The following CSMD1 variants were observed in gnomAD, a reference collection of about 807,000 sequenced individuals.
CSMD1 encodes the protein CUB and sushi domain-containing protein 1.
A neutral mutation model predicts 417.5 loss-of-function variants in CSMD1; 213 were observed. The observed-to-expected ratio is 0.51, with a 90% CI of 0.46 to 0.57. The LOEUF is 0.57. Among genes scored for constraint, CSMD1 ranks in the 20% least tolerant of loss-of-function variants. The pLI is 0.00. For missense variants in CSMD1, 6,923 were observed against 4,529.7 expected, an observed-to-expected ratio of 1.53 and a Z score of -15.17; for synonymous variants, 2,862 against 1,736.8, an observed-to-expected ratio of 1.65 and a Z score of -16.11.
chr8:3,697,128 C>T (rs77957450), intron 7 of CSMD1, among the ~76,000 whole-genome samples: 2,610 of 152,242 alleles, frequency 0.017, 24 homozygotes, highest in Non-Finnish European at 0.024. Flanking sequence ...TCAGCATAAT[C>T]ATCATTCAGT....
At chr8:4,026,267 G>T (rs2740923) in intron 4 of CSMD1, among the ~76,000 whole-genome samples, 89 of 152,118 alleles carry the variant, frequency 5.9e-4, no homozygotes, top group African/African-American at 2.0e-3. Flanking sequence ...AACATGTAAT[G>T]GAACGCAATT....
intron 26 of CSMD1, among the ~76,000 whole-genome samples, chr8:3,241,725 C>T (rs890576151): frequency 6.6e-5 from 10 of 152,100 alleles, no homozygotes; most frequent in African/African-American, 1.4e-4. Flanking sequence ...CTGGCCGCTG[C>T]GGTTCAGGCA....
At chr8:4,476,709 A>T (rs1225250407) in intron 2 of CSMD1, among the ~76,000 whole-genome samples, 2 of 152,002 alleles carry the variant, frequency 1.3e-5, no homozygotes, top group African/African-American at 4.8e-5. Context: ...CGATTTCACC[A>T]CTCACTTTAT....
intron 12 of CSMD1, among the ~76,000 whole-genome samples, chr8:3,456,045 C>G (rs1013885164): frequency 6.6e-6 from 1 of 152,198 alleles, no homozygotes; most frequent in Non-Finnish European, 1.5e-5. Context: ...CGCCGCCTTG[C>G]TATTTGATCT....
chr8:3,503,270 C>T (rs1022116392), intron 10 of CSMD1, among the ~76,000 whole-genome samples: 1 of 152,142 alleles, frequency 6.6e-6, no homozygotes, highest in African/African-American at 2.4e-5. Flanking sequence ...GATGTTTAGC[C>T]CCACATATAA....
In CSMD1 at chr8:3,188,926, A is replaced by G. The variant is rs376624343; in HGVS notation, c.5484T>C (p.Cys1828=). 1 of 1,607,332 alleles carries G rather than the reference A, an allele frequency of 6.2e-7. No homozygotes were observed. Among genetic ancestry groups the G allele is most frequent in the African/African-American group, 1.3e-5 (1 of 74,962 alleles). The stretch of plus-strand genomic sequence containing the variant: ...CCTCCGTAACTATGATCTTCCATAT[A>G]CAGTTCAAGTTGTTTCCGTATGGCT... ...YPEPYGNNLN[C]IWKIIVTEGS... is the part of the protein sequence containing the mutation. Residue 1828 remains cysteine (C), a synonymous_variant, in exon 35 of 70, where the codon TGT becomes TGC. Coordinates refer to ENST00000635120, the MANE Select transcript of CSMD1 (RefSeq NM_033225.6).
intron 2 of CSMD1, among the ~76,000 whole-genome samples, chr8:4,622,266 C>T (rs1032450666): frequency 6.6e-6 from 1 of 151,724 alleles, no homozygotes; most frequent in African/African-American, 2.4e-5. Flanking sequence ...AAAGAGGATA[C>T]TTGCCTGGCT....
intron 3 of CSMD1, among the ~76,000 whole-genome samples, chr8:4,054,605 T>A (rs1798597535): frequency 6.6e-6 from 1 of 152,160 alleles, no homozygotes; most frequent in Non-Finnish European, 1.5e-5. Context: ...GAGGTGTATT[T>A]AGCTTATTTC....
intron 3 of CSMD1, among the ~76,000 whole-genome samples, chr8:4,225,732 C>T (rs957506077): frequency 4.6e-5 from 7 of 152,022 alleles, no homozygotes; most frequent in Middle Eastern, 3.2e-3. Context: ...CACAACATGG[C>T]GGCTTCTGAG....
At chr8:3,265,790 C>A (rs954782992) in intron 26 of CSMD1, among the ~76,000 whole-genome samples, 1 of 152,092 alleles carries the variant, frequency 6.6e-6, no homozygotes, top group Admixed American at 6.5e-5. Flanking sequence ...TGCAGTTGCA[C>A]CCTCCACACA....
chr8:3,422,923 A>C (rs1457885390), intron 12 of CSMD1, among the ~76,000 whole-genome samples: 2 of 152,118 alleles, frequency 1.3e-5, no homozygotes, highest in Non-Finnish European at 2.9e-5. Context: ...CAGAAGGAAA[A>C]GGGCAAAAGG....
At chr8:4,569,342 A>G (rs1186401262) in intron 2 of CSMD1, among the ~76,000 whole-genome samples, 5 of 152,224 alleles carry the variant, frequency 3.3e-5, no homozygotes, top group African/African-American at 1.2e-4. Flanking sequence ...GAAGTGATCC[A>G]GTTACAGTTT....
At chr8:3,286,998 G>C (rs540420529) in intron 25 of CSMD1, among the ~76,000 whole-genome samples, 11 of 152,150 alleles carry the variant, frequency 7.2e-5, no homozygotes, top group Non-Finnish European at 1.3e-4. Flanking sequence ...ATTAATTTTT[G>C]TATAAGGTGT....
At chr8:3,450,172 T>G (rs568290544) in intron 12 of CSMD1, among the ~76,000 whole-genome samples, 3 of 152,194 alleles carry the variant, frequency 2.0e-5, no homozygotes, top group Non-Finnish European at 4.4e-5. Context: ...TCTCTTACAC[T>G]CAGGCGGCCT....
At chr8:3,101,048 G>A (rs1036056243) in intron 46 of CSMD1, among the ~76,000 whole-genome samples, 22 of 89,216 alleles carry the variant, frequency 2.5e-4, no homozygotes, top group Admixed American at 3.4e-4. Context: ...CACTGAATAC[G>A]TATGGTGTTT....
intron 3 of CSMD1, among the ~76,000 whole-genome samples, chr8:4,121,434 C>A (rs751975944): frequency 3.3e-5 from 5 of 152,138 alleles, no homozygotes; most frequent in Non-Finnish European, 5.9e-5. Context: ...ATTCACACGC[C>A]CACCACACCG....
intron 21 of CSMD1, among the ~76,000 whole-genome samples, chr8:3,355,834 G>C (rs568144221): frequency 2.0e-5 from 3 of 152,210 alleles, no homozygotes; most frequent in East Asian, 3.9e-4. Context: ...TAATTTGCAA[G>C]TGAAAAAGAA....
At chr8:3,441,474 G>C (rs1342472995) in intron 12 of CSMD1, among the ~76,000 whole-genome samples, 1 of 143,400 alleles carries the variant, frequency 7.0e-6, no homozygotes, top group African/African-American at 2.6e-5. Flanking sequence ...CACTTCATTT[G>C]CTTATGGCAT....
At chr8:3,830,928 A>AT (rs1235018803) in intron 5 of CSMD1, among the ~76,000 whole-genome samples, 1 of 152,002 alleles carries the variant, frequency 6.6e-6, no homozygotes, top group Non-Finnish European at 1.5e-5. Context: ...ACCTAAAATT[A>AT]TTTCTTAAGT....
Sources: gnomAD v4.1 joint callset for allele counts (sites outside exome capture counted in the v4.1 genomes callset) on GRCh38, gnomAD v4.1.1 for gene constraint, MANE v1.5 for transcripts, NCBI Gene and HGNC (gene_info 2026-07-23, HGNC 2026-07-21) for gene names.